Variants in ASTN2 observed in about 807,000 individuals in gnomAD.
ASTN2 encodes the protein astrotactin 2.
Under a neutral mutation model 139.8 loss-of-function variants are expected in ASTN2, and 54 were observed. That is an observed-to-expected ratio of 0.39 (90% CI 0.31 to 0.48). The LOEUF is 0.48. Among genes scored for constraint, ASTN2 ranks in the 20% least tolerant of loss-of-function variants. The pLI, the probability that ASTN2 is intolerant of heterozygous loss-of-function variation, is 0.95. For missense variants in ASTN2, 1,565 were observed against 1,725.1 expected, an observed-to-expected ratio of 0.91 and a Z score of 1.64; for synonymous variants, 756 against 719.5, an observed-to-expected ratio of 1.05 and a Z score of -0.81.
At chr9:116,719,955 C>A (rs1329357090) in intron 16 of ASTN2, among the ~76,000 whole-genome samples, 1 of 152,160 alleles carries the variant, frequency 6.6e-6, no homozygotes, top group Non-Finnish European at 1.5e-5. Flanking sequence ...TAAACCAAGA[C>A]CTTGCAGGTC....
intron 16 of ASTN2, among the ~76,000 whole-genome samples, chr9:116,664,735 A>C (rs975184558): frequency 6.6e-6 from 1 of 152,020 alleles, no homozygotes; most frequent in Admixed American, 6.6e-5. Context: ...AGAAAATAAC[A>C]ATTTAGAGTG....
intron 10 of ASTN2, among the ~76,000 whole-genome samples, chr9:116,924,429 CAA>C (rs35015769): frequency 5.5e-5 from 3 of 55,010 alleles, no homozygotes; most frequent in Non-Finnish European, 1.2e-4. Context: ...GACTTCATCT[CAA>C]AAAAAAAAAA....
At chr9:117,131,566 C>T (rs1193057404) in intron 4 of ASTN2, among the ~76,000 whole-genome samples, 2 of 152,178 alleles carry the variant, frequency 1.3e-5, no homozygotes, top group East Asian at 1.9e-4. Flanking sequence ...AAATGAGAGT[C>T]TGGTACTTTT....
intron 3 of ASTN2, among the ~76,000 whole-genome samples, chr9:117,192,038 T>A (rs1831362934): frequency 1.3e-5 from 2 of 152,154 alleles, no homozygotes; most frequent in African/African-American, 4.8e-5. Flanking sequence ...TTTAAGGGGC[T>A]CTAGTGACAG....
intron 4 of ASTN2, among the ~76,000 whole-genome samples, chr9:117,121,950 C>A (rs550053355): frequency 4.6e-5 from 7 of 152,286 alleles, no homozygotes; most frequent in Admixed American, 6.5e-5. Context: ...CCCCAAGATC[C>A]AATACCATCC....
intron 5 of ASTN2, among the ~76,000 whole-genome samples, chr9:117,049,391 T>C (rs1456382213): frequency 2.0e-5 from 3 of 152,190 alleles, no homozygotes; most frequent in Admixed American, 1.3e-4. Flanking sequence ...TTAACAGGAT[T>C]CAGCCGAATG....
chr9:116,721,555 G>A (rs565246251), intron 16 of ASTN2, among the ~76,000 whole-genome samples: 2 of 152,298 alleles, frequency 1.3e-5, no homozygotes, highest in African/African-American at 4.8e-5. Flanking sequence ...ACTGCTTGGG[G>A]GAATGGCACG....
At chr9:117,310,854 G>A (rs550021915) in intron 1 of ASTN2, among the ~76,000 whole-genome samples, 7 of 152,202 alleles carry the variant, frequency 4.6e-5, no homozygotes, top group Admixed American at 2.6e-4. Flanking sequence ...GAATTACTGG[G>A]CTCAAGCAAT....
At chr9:116,937,963 T>C (rs1835124077) in intron 10 of ASTN2, among the ~76,000 whole-genome samples, 1 of 152,126 alleles carries the variant, frequency 6.6e-6, no homozygotes, top group Admixed American at 6.5e-5. Context: ...TACCAGGCCT[T>C]TTCATACATA....
intron 19 of ASTN2, among the ~76,000 whole-genome samples, chr9:116,614,653 G>C (rs1252974871): frequency 6.6e-6 from 1 of 152,106 alleles, no homozygotes; most frequent in Non-Finnish European, 1.5e-5. Flanking sequence ...ATGGTGCTGG[G>C]AAAACTGGCT....
intron 20 of ASTN2, among the ~76,000 whole-genome samples, chr9:116,446,140 G>C (rs1250755434): frequency 6.6e-6 from 1 of 151,652 alleles, no homozygotes. Flanking sequence ...GTTGGGGGGG[G>C]ACAGAGACCA....
At chr9:116,777,565 C>T (rs1035289042) in intron 13 of ASTN2, among the ~76,000 whole-genome samples, 4 of 152,130 alleles carry the variant, frequency 2.6e-5, no homozygotes, top group African/African-American at 4.8e-5. Flanking sequence ...GCATGTGAGG[C>T]GGGGTGGGAG....
intron 10 of ASTN2, among the ~76,000 whole-genome samples, chr9:116,953,723 A>C (rs1302459032): frequency 6.6e-6 from 1 of 152,220 alleles, no homozygotes; most frequent in East Asian, 1.9e-4. Flanking sequence ...TGTGCTCAAC[A>C]CTTGATCCTT....
intron 1 of ASTN2, among the ~76,000 whole-genome samples, chr9:117,310,432 G>A (rs890188915): frequency 6.6e-6 from 1 of 152,100 alleles, no homozygotes; most frequent in African/African-American, 2.4e-5. Context: ...GTACAGTGTA[G>A]TAAAGCATTC....
intron 11 of ASTN2, among the ~76,000 whole-genome samples, chr9:116,851,029 G>T (rs1337458498): frequency 6.6e-6 from 1 of 152,128 alleles, no homozygotes. Flanking sequence ...CCAGAAGAGG[G>T]TCTTACACAG....
chr9:117,256,274 G>A lies in ASTN2; in HGVS notation c.630+35052C>T, dbSNP rs534828504. On this transcript the variant is annotated intron_variant, in intron 2 of 22. Coordinates refer to ENST00000313400, the MANE Select transcript of ASTN2 (RefSeq NM_001365068.1). ...TCCTCTTTTGTTCAGAGGCTGCTGG[G>A]AAAGTAGGGTAGCACATACACTAAA... Among the ~76,000 whole-genome samples the A allele has an allele frequency of 2.6e-5, 4 of 152,288 alleles. No individual in the cohort carries two copies. The East Asian group carries it at 7.7e-4, about 29-fold the overall frequency.
At chr9:117,298,833 C>G (rs1223301520) in intron 1 of ASTN2, among the ~76,000 whole-genome samples, 1 of 151,556 alleles carries the variant, frequency 6.6e-6, no homozygotes. Flanking sequence ...GTGCCTGGTA[C>G]AGTGGCTGAA....
chr9:116,962,681 T>G (rs1007192918), intron 10 of ASTN2, among the ~76,000 whole-genome samples: 1 of 152,260 alleles, frequency 6.6e-6, no homozygotes, highest in Non-Finnish European at 1.5e-5. Context: ...TTTTAAATTA[T>G]GGAATCCTCC....
intron 16 of ASTN2, among the ~76,000 whole-genome samples, chr9:116,705,729 CAAA>C (rs1827972678): frequency 6.6e-6 from 1 of 151,774 alleles, no homozygotes; most frequent in East Asian, 1.9e-4. Flanking sequence ...GGTATGTAAA[CAAA>C]TAATAAAAAA....
Sources: gnomAD v4.1 joint callset for allele counts (sites outside exome capture counted in the v4.1 genomes callset) on GRCh38, gnomAD v4.1.1 for gene constraint, MANE v1.5 for transcripts, NCBI Gene and HGNC (gene_info 2026-07-23, HGNC 2026-07-21) for gene names.